Variants in TAPT1 observed in about 807,000 individuals in gnomAD.
The protein encoded by TAPT1 is transmembrane anterior posterior transformation protein 1 homolog.
In TAPT1, 28 loss-of-function variants were observed where a neutral mutation model predicts 65.6. The observed-to-expected ratio is 0.43, with a 90% CI of 0.32 to 0.59. The LOEUF is 0.59. Among genes scored for constraint, TAPT1 ranks in the 20% least tolerant of loss-of-function variants. TAPT1 has a pLI of 0.09. For missense variants in TAPT1, 563 were observed against 679.9 expected, an observed-to-expected ratio of 0.83 and a Z score of 1.91; for synonymous variants, 278 against 245.2, an observed-to-expected ratio of 1.13 and a Z score of -1.25.
At chr4:16,226,061 G>A (rs1476459418) in intron 1 of TAPT1, 198 bp downstream of exon 1, 1 of 1,015,002 alleles carries the variant, frequency 9.9e-7, no homozygotes, top group Non-Finnish European at 1.2e-6. Flanking sequence ...GGGGCTGCGC[G>A]CGCAACCCGC....
rs116824345 is a variant in TAPT1 at position 16,165,116 on chromosome 4, A to G, written c.1474+1517T>C. ...TGCCCTGGGCCAGTTTCATCCTTCA[A>G]GCTTTTAGTTTAGAAGAACCCCCCT... On this transcript the variant is annotated intron_variant, in intron 13 of 13. Coordinates refer to ENST00000405303, the MANE Select transcript of TAPT1 (RefSeq NM_153365.3). Among the ~76,000 whole-genome samples, 940 of 152,110 alleles carry G rather than the reference A, an allele frequency of 6.2e-3. 8 individuals are homozygous for G. The highest frequency in any genetic ancestry group is 0.021 in the African/African-American group (855 of 41,486).
chr4:16,200,759 A>G (rs1578458909), intron 3 of TAPT1, among the ~76,000 whole-genome samples: 1 of 152,340 alleles, frequency 6.6e-6, no homozygotes, highest in African/African-American at 2.4e-5. Flanking sequence ...TCTTCTGAAA[A>G]TGAACTAAAA....
intron 2 of TAPT1, among the ~76,000 whole-genome samples, chr4:16,207,808 T>C (rs1750434113): frequency 6.6e-6 from 1 of 152,220 alleles, no homozygotes; most frequent in African/African-American, 2.4e-5. Context: ...AATTTAAGGC[T>C]TATAAAAATT....
intron 8 of TAPT1, among the ~76,000 whole-genome samples, chr4:16,178,343 TTA>T (rs1193556332): frequency 1.3e-5 from 2 of 152,238 alleles, no homozygotes; most frequent in African/African-American, 2.4e-5. Context: ...ATCTCTCATT[TTA>T]TATGTTTTTG....
At chr4:16,165,975 C>T (rs1195343200) in intron 13 of TAPT1, among the ~76,000 whole-genome samples, 3 of 152,218 alleles carry the variant, frequency 2.0e-5, no homozygotes, top group Non-Finnish European at 2.9e-5. Context: ...CCGCAACAGC[C>T]CCCTTCCACC....
At chr4:16,201,447 T>C (rs550789845) in intron 3 of TAPT1, among the ~76,000 whole-genome samples, 1 of 152,348 alleles carries the variant, frequency 6.6e-6, no homozygotes, top group Admixed American at 6.5e-5. Flanking sequence ...TTTAGCATTT[T>C]AGAACTTTTC....
intron 3 of TAPT1, among the ~76,000 whole-genome samples, chr4:16,193,278 A>T (rs967759353): frequency 6.6e-6 from 1 of 152,196 alleles, no homozygotes; most frequent in Non-Finnish European, 1.5e-5. Flanking sequence ...TCTAAGTCAG[A>T]TCACATGACT....
intron 8 of TAPT1, chr4:16,176,813 C>A (rs1038807631): frequency 2.0e-5 from 3 of 152,274 alleles, no homozygotes; most frequent in Admixed American, 2.0e-4. Flanking sequence ...AGCCTACGTG[C>A]TGACATGCTG....
intron 1 of TAPT1, 21 bp from the exon 2 acceptor site, chr4:16,213,919 G>A: frequency 6.3e-7 from 1 of 1,575,256 alleles, no homozygotes; most frequent in Non-Finnish European, 8.6e-7. Context: ...GAAAATGACA[G>A]AAAACAAAAA....
intron 13 of TAPT1, among the ~76,000 whole-genome samples, chr4:16,165,569 CAA>C (rs75616266): frequency 2.0e-3 from 180 of 92,282 alleles, no homozygotes; most frequent in East Asian, 9.6e-3. Context: ...AACTCCGTCT[CAA>C]AAAAAAAAAA....
chr4:16,179,710 A>G (rs1299623324), intron 7 of TAPT1, 53 bp from the exon 8 acceptor site: 14 of 885,696 alleles, frequency 1.6e-5, no homozygotes, highest in Non-Finnish European at 2.4e-5. Context: ...ACAACATAAT[A>G]AAGTACATAT....
chr4:16,193,603 T>C (rs1271850943), intron 3 of TAPT1, among the ~76,000 whole-genome samples: 13 of 152,206 alleles, frequency 8.5e-5, no homozygotes, highest in African/African-American at 3.1e-4. Flanking sequence ...ATGGAAGACC[T>C]ATTATATCTG....
intron 10 of TAPT1, 24 bp from the exon 11 acceptor site, chr4:16,174,296 A>T (rs757001128): frequency 1.1e-5 from 18 of 1,576,442 alleles, no homozygotes; most frequent in African/African-American, 2.7e-5. Context: ...GAAGCAAAAG[A>T]TTCAGATTTA....
At chr4:16,200,241 T>C (rs553174994) in intron 3 of TAPT1, among the ~76,000 whole-genome samples, 1 of 152,352 alleles carries the variant, frequency 6.6e-6, no homozygotes, top group East Asian at 1.9e-4. Flanking sequence ...GAACATGAAC[T>C]TGACGCACAC....
At chr4:16,208,520 A>C (rs1295457635) in intron 2 of TAPT1, among the ~76,000 whole-genome samples, 1 of 152,124 alleles carries the variant, frequency 6.6e-6, no homozygotes, top group Non-Finnish European at 1.5e-5. Context: ...TGCCCACCCC[A>C]TTTCTTTGTT....
At chr4:16,167,288 GCCT>G (rs1445089556) in intron 12 of TAPT1, among the ~76,000 whole-genome samples, 1 of 152,024 alleles carries the variant, frequency 6.6e-6, no homozygotes, top group Non-Finnish European at 1.5e-5. Flanking sequence ...ACCATGCCTG[GCCT>G]CCTTAGTTCT....
intron 2 of TAPT1, among the ~76,000 whole-genome samples, chr4:16,211,582 A>T (rs1257420400): frequency 6.6e-6 from 1 of 152,208 alleles, no homozygotes; most frequent in African/African-American, 2.4e-5. Context: ...GACTACATCA[A>T]ATTTTCCCAA....
chr4:16,177,941 C>T (rs764632361), intron 8 of TAPT1, among the ~76,000 whole-genome samples: 1 of 152,006 alleles, frequency 6.6e-6, no homozygotes. Context: ...TGCCATAGTA[C>T]TAACAAAGGA....
chr4:16,193,044 G>A (rs57811439), intron 3 of TAPT1, among the ~76,000 whole-genome samples: 19,573 of 152,200 alleles, frequency 0.13, 1,411 homozygotes, highest in Middle Eastern at 0.19. Context: ...CCAATTCTGT[G>A]AGCAGTTGTT....
Sources: gnomAD v4.1 joint callset for allele counts (sites outside exome capture counted in the v4.1 genomes callset) on GRCh38, gnomAD v4.1.1 for gene constraint, MANE v1.5 for transcripts, NCBI Gene and HGNC (gene_info 2026-07-23, HGNC 2026-07-21) for gene names.